ZNF280D: variants seen among roughly 807,000 people sequenced by gnomAD.
The protein encoded by ZNF280D is zinc finger protein 280D.
A neutral mutation model predicts 94.7 loss-of-function variants in ZNF280D; 39 were observed. The ratio of observed to expected loss-of-function variants is 0.41; its 90% CI spans 0.32 to 0.54. The LOEUF is 0.54. Among genes scored for constraint, ZNF280D ranks in the 20% least tolerant of loss-of-function variants. The probability of loss-of-function intolerance (pLI) is 0.22; values close to 1 mark genes in which losing one functional copy is unlikely to be tolerated. For synonymous variants in ZNF280D, 398 were observed against 377.6 expected, an observed-to-expected ratio of 1.05 and a Z score of -0.63; for missense variants, 1,090 against 1,149.3, an observed-to-expected ratio of 0.95 and a Z score of 0.75.
chr15:56,645,307 A>G (rs377515297), intron 19 of ZNF280D: 10 of 152,214 alleles, frequency 6.6e-5, no homozygotes, highest in African/African-American at 2.4e-4. Context: ...ATAGAAAAAT[A>G]TAGTGTAGTA....
intron 19 of ZNF280D, among the ~76,000 whole-genome samples, chr15:56,651,125 A>C (rs1243560335): frequency 6.6e-6 from 1 of 152,242 alleles, no homozygotes; most frequent in Non-Finnish European, 1.5e-5. Context: ...CACAAAGTAG[A>C]TGCTCAATAA....
chr15:56,654,321 T>C, intron 18 of ZNF280D, 64 bp downstream of exon 18: 1 of 1,598,376 alleles, frequency 6.3e-7, no homozygotes, highest in South Asian at 1.1e-5. Context: ...GACCATATTG[T>C]GGATGACCAA....
intron 9 of ZNF280D, among the ~76,000 whole-genome samples, chr15:56,688,348 G>A (rs556269059): frequency 1.6e-4 from 25 of 151,870 alleles, no homozygotes; most frequent in African/African-American, 5.3e-4. Flanking sequence ...AAAATTAGCC[G>A]GGCGTGGTGG....
intron 3 of ZNF280D, among the ~76,000 whole-genome samples, chr15:56,704,622 G>A (rs1426866748): frequency 2.6e-5 from 4 of 152,136 alleles, no homozygotes. Context: ...TTCACAAAAG[G>A]CAGATAAACT....
chr15:56,721,231 A>G (rs565088010), intron 1 of ZNF280D, among the ~76,000 whole-genome samples: 5 of 152,218 alleles, frequency 3.3e-5, no homozygotes, highest in East Asian at 3.9e-4. Context: ...TCCACCTCCC[A>G]AAGTGTTGCG....
chr15:56,697,445 A>G (rs570990828), intron 6 of ZNF280D, among the ~76,000 whole-genome samples: 1 of 152,344 alleles, frequency 6.6e-6, no homozygotes, highest in Admixed American at 6.5e-5. Context: ...TCGGCCTCCC[A>G]AAGTGCTGGG....
At chr15:56,668,760 G>C in intron 14 of ZNF280D, 63 bp downstream of exon 14, 1 of 1,404,322 alleles carries the variant, frequency 7.1e-7, no homozygotes, top group African/African-American at 1.5e-5. Context: ...AATATATAAA[G>C]CCGGGCAGGA....
At chr15:56,678,253 C>T (rs898781664) in intron 11 of ZNF280D, among the ~76,000 whole-genome samples, 2 of 152,064 alleles carry the variant, frequency 1.3e-5, no homozygotes, top group Non-Finnish European at 2.9e-5. Flanking sequence ...AGTGATCTGC[C>T]CACATTGGCC....
At chr15:56,652,909 G>C (rs1394128802) in intron 19 of ZNF280D, 2 of 979,086 alleles carry the variant, frequency 2.0e-6, no homozygotes, top group Admixed American at 6.2e-5. Context: ...ATCTCTTGGA[G>C]TTCTTAAAAC....
intron 16 of ZNF280D, among the ~76,000 whole-genome samples, chr15:56,664,870 C>A (rs896190845): frequency 2.0e-5 from 3 of 151,956 alleles, no homozygotes; most frequent in Admixed American, 1.3e-4. Context: ...GATTCTAGGA[C>A]AAAAAGCCAC....
chr15:56,715,978 A>G (rs1165875820), intron 1 of ZNF280D, among the ~76,000 whole-genome samples: 3 of 152,208 alleles, frequency 2.0e-5, no homozygotes, highest in Admixed American at 6.5e-5. Flanking sequence ...TGTATTAGGT[A>G]TCATAAGTAA....
chr15:56,642,914 G>A, intron 20 of ZNF280D, 38 bp downstream of exon 20: 3 of 1,408,860 alleles, frequency 2.1e-6, no homozygotes, highest in Non-Finnish European at 2.8e-6. Flanking sequence ...ACTTTCAAAT[G>A]TATAAACCTT....
intron 1 of ZNF280D, among the ~76,000 whole-genome samples, chr15:56,724,069 G>T (rs2058511853): frequency 6.6e-6 from 1 of 151,988 alleles, no homozygotes; most frequent in Non-Finnish European, 1.5e-5. Context: ...TCACAATATG[G>T]TATCATACCA....
At position 56,682,484 on chromosome 15, in the gene ZNF280D, G is replaced by GACA; in HGVS notation, c.781-8_781-7insTGT. 5.0e-6 allele frequency: 2 copies of GACA among 400,674 alleles called. No homozygotes were observed. Among genetic ancestry groups the GACA allele is most frequent in the Non-Finnish European group, 7.2e-6 (2 of 279,262 alleles). 24.8% of individuals were successfully genotyped at this position (400,674 alleles called of 1,614,324 possible). A position where few individuals can be genotyped will look rare whatever the true frequency, so the allele number is the denominator to read the frequency against. On this transcript the variant is annotated splice_region_variant and splice_polypyrimidine_tract_variant and intron_variant, in intron 9 of 21. Transcript: ENST00000267807. ...TCATGTCTGGACAACAATACTGAAA[G>GACA]AGAAAAAAAAAAAAAAAAAACAAGC...
chr15:56,679,094 A>G (rs2055441440), intron 10 of ZNF280D, among the ~76,000 whole-genome samples: 1 of 152,170 alleles, frequency 6.6e-6, no homozygotes. Flanking sequence ...ATTATTTCAG[A>G]TTATTTAAAA....
intron 21 of ZNF280D, among the ~76,000 whole-genome samples, chr15:56,633,043 C>G (rs574373971): frequency 6.6e-6 from 1 of 151,936 alleles, no homozygotes; most frequent in Admixed American, 6.6e-5. Context: ...TAGTGAATCA[C>G]AAAATATGAG....
chr15:56,650,031 A>G (rs1410351835), intron 19 of ZNF280D, among the ~76,000 whole-genome samples: 2 of 152,218 alleles, frequency 1.3e-5, no homozygotes, highest in East Asian at 3.9e-4. Flanking sequence ...ACATGATATT[A>G]GTGGTTTAAT....
At chr15:56,673,813 C>G (rs1259251783) in intron 13 of ZNF280D, among the ~76,000 whole-genome samples, 1 of 152,048 alleles carries the variant, frequency 6.6e-6, no homozygotes, top group African/African-American at 2.4e-5. Flanking sequence ...TGTCACCTCT[C>G]CGAGGTAATT....
chr15:56,668,303 C>T, intron 14 of ZNF280D: 1 of 377,332 alleles, frequency 2.7e-6, no homozygotes, highest in Non-Finnish European at 5.1e-6. Flanking sequence ...AAGTAAATTA[C>T]AATCATCAGT....
Sources: gnomAD v4.1 joint callset for allele counts (sites outside exome capture counted in the v4.1 genomes callset) on GRCh38, gnomAD v4.1.1 for gene constraint, MANE v1.5 for transcripts, NCBI Gene and HGNC (gene_info 2026-07-23, HGNC 2026-07-21) for gene names.